The following DIAPH2 variants were observed in gnomAD, a reference collection of about 807,000 sequenced individuals.
The protein encoded by DIAPH2 is diaphanous related formin 2.
Under a neutral mutation model 92.7 loss-of-function variants are expected in DIAPH2, and 35 were observed. The ratio of observed to expected loss-of-function variants is 0.38; its 90% CI spans 0.29 to 0.50. The LOEUF (loss-of-function observed/expected upper bound fraction) is 0.50, where lower values mean the gene tolerates loss of function less well. DIAPH2 is among the 20% of genes least tolerant of loss of function. The pLI, the probability that DIAPH2 is intolerant of heterozygous loss-of-function variation, is 0.94. For missense variants in DIAPH2, 701 were observed against 819.5 expected (o/e 0.86, Z 1.77); for synonymous variants, 301 against 280.4 (o/e 1.07, Z -0.73).
At chrX:97,579,388 A>G (rs2071422197) in intron 26 of DIAPH2, among the ~76,000 whole-genome samples, 1 of 110,610 alleles carries the variant, frequency 9.0e-6, no homozygotes, top group East Asian at 2.8e-4. Flanking sequence ...CTTTCTACAT[A>G]TGGCTAGCCA....
intron 4 of DIAPH2, among the ~76,000 whole-genome samples, chrX:96,780,473 T>A (rs754981614): frequency 8.9e-6 from 1 of 111,768 alleles, no homozygotes; most frequent in African/African-American, 3.2e-5. Context: ...TTTATTTTTT[T>A]ATTTTTTGTT....
Position 96,882,853 on chromosome X carries a change from C to T in DIAPH2, c.587+1135C>T, listed in dbSNP as rs758008239. Among the ~76,000 whole-genome samples the T allele has an allele frequency of 1.1e-3, 114 of 99,467 alleles. 1 individual carries two copies. The highest frequency in any genetic ancestry group is 4.2e-3 in the African/African-American group (109 of 26,094). 86.4% of individuals were successfully genotyped at this position (99,467 alleles called of 115,157 possible). On this transcript the variant is annotated intron_variant, in intron 5 of 26. Coordinates refer to ENST00000324765, the MANE Select transcript of DIAPH2 (RefSeq NM_006729.5). Reference sequence around the variant, plus strand: ...GTGCGCCTGTGGTCCCAGGTATTCACGAGGCTGAGGTGGGAGGATCACCTC... The same window carrying T: ...GTGCGCCTGTGGTCCCAGGTATTCATGAGGCTGAGGTGGGAGGATCACCTC...
intron 18 of DIAPH2, 55 bp from the exon 19 acceptor site, chrX:97,075,112 G>T: frequency 1.3e-6 from 1 of 766,778 alleles, no homozygotes; most frequent in South Asian, 2.4e-5. Flanking sequence ...ACGTTTATTA[G>T]GACTTTAACA....
chrX:97,170,322 G>A (rs1364562135), intron 22 of DIAPH2, among the ~76,000 whole-genome samples: 3 of 111,954 alleles, frequency 2.7e-5, no homozygotes, highest in African/African-American at 9.7e-5. Context: ...ATAATGTTTA[G>A]AGTTCTAGAA....
At chrX:97,477,980 CTCT>C (rs1368237374) in intron 26 of DIAPH2, among the ~76,000 whole-genome samples, 2 of 111,170 alleles carry the variant, frequency 1.8e-5, no homozygotes, top group Admixed American at 9.6e-5. Flanking sequence ...CACTAAAGAG[CTCT>C]TCTTCTCAGC....
intron 26 of DIAPH2, among the ~76,000 whole-genome samples, chrX:97,456,710 AT>A (rs1291477867): frequency 9.0e-6 from 1 of 110,847 alleles, no homozygotes; most frequent in Non-Finnish European, 1.9e-5. Flanking sequence ...TTATTTTGAA[AT>A]TTTCAAGTAT....
chrX:96,801,029 G>A (rs983836193), intron 4 of DIAPH2, among the ~76,000 whole-genome samples: 4 of 112,086 alleles, frequency 3.6e-5, no homozygotes, highest in Non-Finnish European at 5.6e-5. Context: ...ATTGTTCTGA[G>A]TTTTGAACAT....
At chrX:97,418,492 G>C (rs190212815) in intron 25 of DIAPH2, among the ~76,000 whole-genome samples, 40 of 112,061 alleles carry the variant, frequency 3.6e-4, no homozygotes, top group Admixed American at 3.5e-3. Context: ...TACCATACTT[G>C]CTTTGTGCCT....
intron 24 of DIAPH2, among the ~76,000 whole-genome samples, chrX:97,357,818 A>G (rs890348733): frequency 1.8e-5 from 2 of 112,288 alleles, no homozygotes; most frequent in Non-Finnish European, 3.8e-5. Flanking sequence ...ATACATATGT[A>G]CAAAGAGCTT....
chrX:97,164,234 T>C (rs1010536182), intron 22 of DIAPH2, among the ~76,000 whole-genome samples: 11 of 112,015 alleles, frequency 9.8e-5, no homozygotes, highest in African/African-American at 3.6e-4. Flanking sequence ...TGAAAAGAGC[T>C]AAGTGACAAT....
At chrX:97,335,524 A>C (rs1327193113) in intron 23 of DIAPH2, among the ~76,000 whole-genome samples, 17 of 111,887 alleles carry the variant, frequency 1.5e-4, no homozygotes, top group Non-Finnish European at 5.6e-5. Flanking sequence ...CATCAATCTC[A>C]AAAATGTTTA....
chrX:97,432,780 C>T (rs753367496), intron 26 of DIAPH2, among the ~76,000 whole-genome samples: 1 of 111,375 alleles, frequency 9.0e-6, no homozygotes, highest in African/African-American at 3.3e-5. Flanking sequence ...AGCCACCATG[C>T]CCGGCCAAAT....
At chrX:97,124,314 T>G (rs2067077023) in intron 21 of DIAPH2, among the ~76,000 whole-genome samples, 1 of 112,555 alleles carries the variant, frequency 8.9e-6, no homozygotes, top group Admixed American at 9.4e-5. Context: ...CCTCCTTGCC[T>G]CTTAAAATAT....
At chrX:97,040,729 G>C (rs951539757) in intron 17 of DIAPH2, among the ~76,000 whole-genome samples, 42 of 109,470 alleles carry the variant, frequency 3.8e-4, no homozygotes, top group African/African-American at 1.4e-3. Context: ...AAAAATAATA[G>C]TAATAATAAT....
chrX:97,473,101 G>A (rs1285539173), intron 26 of DIAPH2, among the ~76,000 whole-genome samples: 2 of 111,612 alleles, frequency 1.8e-5, no homozygotes, highest in African/African-American at 6.5e-5. Flanking sequence ...TAGCCTATGG[G>A]ATGCCCCACA....
intron 21 of DIAPH2, among the ~76,000 whole-genome samples, chrX:97,125,082 G>A: frequency 9.0e-6 from 1 of 111,469 alleles, no homozygotes; most frequent in Non-Finnish European, 1.9e-5. Context: ...GAAAGAGTGA[G>A]AAGGGTTGGG....
At chrX:96,953,457 A>G (rs2065789633) in intron 15 of DIAPH2, among the ~76,000 whole-genome samples, 2 of 112,031 alleles carry the variant, frequency 1.8e-5, no homozygotes, top group South Asian at 3.7e-4. Context: ...TTAAACTTTC[A>G]TAAAAGAGGA....
At chrX:97,392,612 AG>A (rs1369150896) in intron 25 of DIAPH2, among the ~76,000 whole-genome samples, 30 of 111,733 alleles carry the variant, frequency 2.7e-4, no homozygotes, top group African/African-American at 9.7e-4. Context: ...AAACTATCCA[AG>A]TAAAAGGGAA....
chrX:97,292,612 T>C (rs1331049703), intron 23 of DIAPH2, among the ~76,000 whole-genome samples: 1 of 105,933 alleles, frequency 9.4e-6, no homozygotes, highest in Non-Finnish European at 1.9e-5. Context: ...AGTGGGGCGA[T>C]CTTGGCTCAC....
Sources: gnomAD v4.1 joint callset for allele counts (sites outside exome capture counted in the v4.1 genomes callset) on GRCh38, gnomAD v4.1.1 for gene constraint, MANE v1.5 for transcripts, NCBI Gene and HGNC (gene_info 2026-07-23, HGNC 2026-07-21) for gene names.